RIMS2: variants seen among roughly 807,000 people sequenced by gnomAD.
RIMS2 encodes the protein regulating synaptic membrane exocytosis protein 2.
In RIMS2, 59 loss-of-function variants were observed where a neutral mutation model predicts 174.4. The ratio of observed to expected loss-of-function variants is 0.34; its 90% CI spans 0.27 to 0.42. The LOEUF (loss-of-function observed/expected upper bound fraction) is 0.42. Among genes scored for constraint, RIMS2 ranks in the 10% least tolerant of loss-of-function variants. The pLI is 1.00. For missense variants in RIMS2, 1,620 were observed against 1,666.3 expected (o/e 0.97, Z 0.48); for synonymous variants, 606 against 572.5 (o/e 1.06, Z -0.84).
intron 3 of RIMS2, among the ~76,000 whole-genome samples, chr8:103,788,099 C>T (rs1389805475): frequency 5.3e-5 from 8 of 150,200 alleles, no homozygotes; most frequent in Non-Finnish European, 8.9e-5. Context: ...ACGTAGTTCT[C>T]GAGCCTTGGT....
chr8:103,664,821 G>A (rs2096648339), intron 1 of RIMS2, among the ~76,000 whole-genome samples: 1 of 152,168 alleles, frequency 6.6e-6, no homozygotes, highest in Admixed American at 6.5e-5. Context: ...AAAGACACAT[G>A]CACATGTATG....
chr8:103,556,655 A>G (rs962321003), intron 1 of RIMS2, among the ~76,000 whole-genome samples: 1 of 152,198 alleles, frequency 6.6e-6, no homozygotes, highest in South Asian at 2.1e-4. Flanking sequence ...CAATTTACTC[A>G]TAGAACTCAG....
intron 19 of RIMS2, among the ~76,000 whole-genome samples, chr8:104,072,853 T>C (rs944459131): frequency 6.6e-6 from 1 of 152,136 alleles, no homozygotes; most frequent in African/African-American, 2.4e-5. Context: ...ACTAGAAAAC[T>C]TGAAAGAAGA....
chr8:103,518,386 A>C (rs1224357149), intron 1 of RIMS2, among the ~76,000 whole-genome samples: 1 of 151,970 alleles, frequency 6.6e-6, no homozygotes, highest in Non-Finnish European at 1.5e-5. Flanking sequence ...AAAATCTCAT[A>C]ATGTTTTAAG....
At chr8:104,186,700 A>C (rs1181627811) in intron 19 of RIMS2, among the ~76,000 whole-genome samples, 1 of 151,726 alleles carries the variant, frequency 6.6e-6, no homozygotes, top group Non-Finnish European at 1.5e-5. Context: ...TTGTCCTTTT[A>C]GGCCTCACCT....
At chr8:104,188,982 C>G (rs1035299483) in intron 19 of RIMS2, among the ~76,000 whole-genome samples, 2 of 151,892 alleles carry the variant, frequency 1.3e-5, no homozygotes, top group Non-Finnish European at 2.9e-5. Flanking sequence ...ACAAATTGTT[C>G]ATCCTTCCAT....
At chr8:103,862,413 G>T (rs2099063501) in intron 3 of RIMS2, among the ~76,000 whole-genome samples, 1 of 151,876 alleles carries the variant, frequency 6.6e-6, no homozygotes, top group Admixed American at 6.6e-5. Context: ...GTAATGTGAT[G>T]CCTCCAGCTT....
chr8:104,089,153 A>G (rs1434055365), intron 19 of RIMS2, among the ~76,000 whole-genome samples: 2 of 151,964 alleles, frequency 1.3e-5, no homozygotes, highest in Non-Finnish European at 2.9e-5. Flanking sequence ...TTGTTCCATT[A>G]AAGAGAATGG....
intron 1 of RIMS2, among the ~76,000 whole-genome samples, chr8:103,580,622 A>T (rs903491250): frequency 7.9e-5 from 12 of 152,298 alleles, no homozygotes; most frequent in Admixed American, 5.9e-4. Flanking sequence ...GGACACATGC[A>T]ATCTAAGAAG....
In RIMS2 at chr8:103,852,229, T is replaced by C. The variant is rs150477871; in HGVS notation, c.699-33069T>C. Among the ~76,000 whole-genome samples the C allele has an allele frequency of 7.9e-5, 12 of 152,032 alleles. No individual in the cohort carries two copies. In the East Asian group the frequency reaches 2.3e-3, roughly 29 times the overall value. On this transcript the variant is annotated intron_variant, in intron 3 of 23. Transcript: ENST00000504942. ...TTAATTGAACTAAGAAGCAAGCTAGTGACAAAAGAAAATAGTATAGATATA... is the reference window on the plus strand; with the variant it reads ...TTAATTGAACTAAGAAGCAAGCTAGCGACAAAAGAAAATAGTATAGATATA...
intron 19 of RIMS2, among the ~76,000 whole-genome samples, chr8:104,174,364 G>A (rs1319171453): frequency 6.6e-6 from 1 of 152,080 alleles, no homozygotes; most frequent in Non-Finnish European, 1.5e-5. Context: ...TGTTGGGGTG[G>A]AGGTTAAATG....
chr8:103,649,822 T>A (rs1334824883), intron 1 of RIMS2, among the ~76,000 whole-genome samples: 1 of 152,094 alleles, frequency 6.6e-6, no homozygotes, highest in Non-Finnish European at 1.5e-5. Context: ...GCTCCTGTAT[T>A]GTTTTATCAT....
intron 1 of RIMS2, among the ~76,000 whole-genome samples, chr8:103,577,397 A>G (rs2132618763): frequency 6.6e-6 from 1 of 152,276 alleles, no homozygotes; most frequent in Non-Finnish European, 1.5e-5. Context: ...CCAAACACTG[A>G]TAAGTGGGAG....
intron 19 of RIMS2, among the ~76,000 whole-genome samples, chr8:104,069,164 A>G (rs1183808775): frequency 6.6e-6 from 1 of 152,194 alleles, no homozygotes; most frequent in East Asian, 1.9e-4. Context: ...TTTATTATAA[A>G]ATAGGCTTTC....
At chr8:103,910,011 G>T in intron 4 of RIMS2, 1 of 560,740 alleles carries the variant, frequency 1.8e-6, no homozygotes, top group East Asian at 2.9e-5. Context: ...TATATATAGT[G>T]AGTGCTACAG....
intron 14 of RIMS2, among the ~76,000 whole-genome samples, chr8:103,958,420 G>A (rs1272922795): frequency 1.3e-5 from 2 of 152,100 alleles, no homozygotes; most frequent in Non-Finnish European, 2.9e-5. Context: ...GAGGGTGGGA[G>A]GATAGAAAGG....
In RIMS2 at chr8:103,639,892, G is replaced by C. The variant is rs150091513; in HGVS notation, c.177-57194G>C. Among the ~76,000 whole-genome samples the C allele has an allele frequency of 6.2e-3, 938 of 152,004 alleles. 12 individuals carry two copies. The highest frequency in any genetic ancestry group is 0.021 in the African/African-American group (888 of 41,536). On this transcript the variant is annotated intron_variant, in intron 1 of 23. Coordinates refer to ENST00000504942, the Ensembl canonical transcript of RIMS2. The stretch of plus-strand genomic sequence containing the variant: ...GCACAAAATAACTTGATGAGATTTT[G>C]GTTGGGATTGCCATGTTTCTATAGA...
intron 3 of RIMS2, among the ~76,000 whole-genome samples, chr8:103,818,102 T>C (rs978499486): frequency 6.6e-6 from 1 of 152,104 alleles, no homozygotes; most frequent in Non-Finnish European, 1.5e-5. Context: ...TGTTTAAAAA[T>C]TTATATTATT....
intron 17 of RIMS2, among the ~76,000 whole-genome samples, chr8:104,006,101 C>G (rs2095565696): frequency 6.6e-6 from 1 of 152,068 alleles, no homozygotes; most frequent in Admixed American, 6.6e-5. Context: ...GTTTTGTTCT[C>G]CATCAAAACT....
Sources: gnomAD v4.1 joint callset for allele counts (sites outside exome capture counted in the v4.1 genomes callset) on GRCh38, gnomAD v4.1.1 for gene constraint, MANE v1.5 for transcripts, NCBI Gene and HGNC (gene_info 2026-07-23, HGNC 2026-07-21) for gene names.